Variants in KIF6 observed in about 807,000 individuals in gnomAD.
The protein encoded by KIF6 is kinesin family member 6, also known as kinesin-like protein KIF6.
KIF6 carries 106 observed loss-of-function variants against 112.7 expected under a neutral mutation model. That is an observed-to-expected ratio of 0.94 (90% confidence interval 0.80 to 1.11). KIF6 has a LOEUF of 1.11. KIF6 is among the 50% of genes least tolerant of loss of function. The pLI, the probability that KIF6 is intolerant of heterozygous loss-of-function variation, is 0.00. For missense variants in KIF6, 929 were observed against 964.0 expected (o/e 0.96, Z 0.48); for synonymous variants, 339 against 339.9 (o/e 1.00, Z 0.03).
At chr6:39,350,632 A>C (rs1764171674) in intron 19 of KIF6, among the ~76,000 whole-genome samples, 2 of 152,082 alleles carry the variant, frequency 1.3e-5, no homozygotes. Flanking sequence ...TTCACGTGAG[A>C]TGTTCACAGG....
chr6:39,413,679 G>T (rs1426228826), intron 15 of KIF6, among the ~76,000 whole-genome samples: 1 of 152,098 alleles, frequency 6.6e-6, no homozygotes, highest in Admixed American at 6.6e-5. Context: ...GGGAGAGGCT[G>T]TCAGACAATG....
intron 13 of KIF6, among the ~76,000 whole-genome samples, chr6:39,454,598 AT>A (rs1260794884): frequency 6.6e-6 from 1 of 151,044 alleles, no homozygotes; most frequent in Non-Finnish European, 1.5e-5. Flanking sequence ...CTGCATTTCC[AT>A]CTGAGGTACC....
intron 10 of KIF6, among the ~76,000 whole-genome samples, chr6:39,553,572 AAC>A (rs1582120078): frequency 6.6e-6 from 1 of 152,242 alleles, no homozygotes; most frequent in African/African-American, 2.4e-5. Flanking sequence ...TTTTTAAATA[AAC>A]TAAGACAACT....
intron 16 of KIF6, among the ~76,000 whole-genome samples, chr6:39,383,298 G>A (rs533806910): frequency 1.3e-4 from 20 of 152,300 alleles, no homozygotes; most frequent in Non-Finnish European, 2.2e-4. Context: ...ACAGATTGAA[G>A]TCTTACATTT....
At chr6:39,420,256 T>C (rs893293048) in intron 14 of KIF6, among the ~76,000 whole-genome samples, 2 of 152,248 alleles carry the variant, frequency 1.3e-5, no homozygotes, top group Non-Finnish European at 2.9e-5. Context: ...TGACTTTTAA[T>C]TTATATTATT....
intron 13 of KIF6, among the ~76,000 whole-genome samples, chr6:39,464,457 C>T (rs1773670473): frequency 6.6e-6 from 1 of 152,224 alleles, no homozygotes; most frequent in African/African-American, 2.4e-5. Context: ...TAAACCTGTG[C>T]ACTAACTTAA....
intron 13 of KIF6, among the ~76,000 whole-genome samples, chr6:39,489,394 C>G (rs1026954601): frequency 2.0e-5 from 3 of 152,110 alleles, no homozygotes; most frequent in African/African-American, 7.2e-5. Context: ...CCAACTGGAA[C>G]TTAGGTCTGC....
At chr6:39,344,469 C>CG (rs1763554679) in intron 21 of KIF6, among the ~76,000 whole-genome samples, 1 of 152,166 alleles carries the variant, frequency 6.6e-6, no homozygotes, top group South Asian at 2.1e-4. Context: ...GATATGACCC[C>CG]GGGTCAGGGG....
At chr6:39,460,983 C>T (rs1455913585) in intron 13 of KIF6, among the ~76,000 whole-genome samples, 2 of 152,180 alleles carry the variant, frequency 1.3e-5, no homozygotes, top group Non-Finnish European at 2.9e-5. Flanking sequence ...TTCATCACTC[C>T]TCTTGGAAAA....
intron 5 of KIF6, 84 bp from the exon 6 acceptor site, chr6:39,613,402 G>T: frequency 9.1e-7 from 1 of 1,096,560 alleles, no homozygotes; most frequent in African/African-American, 1.6e-5. Context: ...TTAAAAAGCT[G>T]TATAGTATGA....
chr6:39,394,247 G>T (rs1768091834), intron 15 of KIF6, among the ~76,000 whole-genome samples: 1 of 152,118 alleles, frequency 6.6e-6, no homozygotes, highest in South Asian at 2.1e-4. Context: ...TCACATAAAA[G>T]CTATATTTGT....
chr6:39,403,197 T>C lies in KIF6; in HGVS notation c.1810+16751A>G, dbSNP rs182194625. On this transcript the variant is annotated intron_variant, in intron 15 of 22. Transcript: ENST00000287152. ...TTTATTTTTTATTTATTATTAAATA[T>C]GGTAAAATTGACTTGGGAGCATGTG... Among the ~76,000 whole-genome samples, 10 of 152,294 alleles carry C rather than the reference T, an allele frequency of 6.6e-5. No individual in the cohort carries two copies. The East Asian group carries it at 1.9e-3, about 29-fold the overall frequency.
chr6:39,440,893 C>A (rs1771881719), intron 13 of KIF6, among the ~76,000 whole-genome samples: 1 of 152,138 alleles, frequency 6.6e-6, no homozygotes, highest in South Asian at 2.1e-4. Flanking sequence ...AACCCAGGTG[C>A]AGGACAAGCC....
intron 13 of KIF6, among the ~76,000 whole-genome samples, chr6:39,519,141 G>A (rs1448687735): frequency 6.6e-6 from 1 of 152,100 alleles, no homozygotes; most frequent in Non-Finnish European, 1.5e-5. Flanking sequence ...GGGGGGTACC[G>A]AGACAGAAAA....
chr6:39,441,176 T>C (rs1168102003), intron 13 of KIF6, among the ~76,000 whole-genome samples: 1 of 152,198 alleles, frequency 6.6e-6, no homozygotes, highest in Non-Finnish European at 1.5e-5. Context: ...CTAGAAGACA[T>C]CGCTGATCAA....
chr6:39,492,761 G>A (rs1387547573), intron 13 of KIF6, among the ~76,000 whole-genome samples: 5 of 152,178 alleles, frequency 3.3e-5, no homozygotes, highest in Non-Finnish European at 7.3e-5. Context: ...GTCTACAGTT[G>A]GGGAAGGATA....
chr6:39,449,865 T>C (rs1333909808), intron 13 of KIF6, among the ~76,000 whole-genome samples: 1 of 152,198 alleles, frequency 6.6e-6, no homozygotes, highest in Admixed American at 6.5e-5. Context: ...ACAATCAGAA[T>C]TTTTTAAATA....
chr6:39,524,805 G>A (rs1777611476), intron 13 of KIF6, among the ~76,000 whole-genome samples: 1 of 152,214 alleles, frequency 6.6e-6, no homozygotes, highest in Non-Finnish European at 1.5e-5. Flanking sequence ...TTCCACAGGT[G>A]TTGGCCCCAG....
At chr6:39,425,294 A>G (rs1770686713) in intron 14 of KIF6, among the ~76,000 whole-genome samples, 1 of 152,210 alleles carries the variant, frequency 6.6e-6, no homozygotes, top group Admixed American at 6.5e-5. Context: ...TTGCTTTTTC[A>G]TAGAGTGAAC....
Sources: allele counts gnomAD v4.1 joint callset (sites outside exome capture counted in the v4.1 genomes callset), GRCh38; gene constraint gnomAD v4.1.1; transcripts MANE v1.5; gene names NCBI Gene and HGNC (gene_info 2026-07-23, HGNC 2026-07-21).